Variants in MIPOL1 observed in about 807,000 individuals in gnomAD.
MIPOL1 encodes mirror-image polydactyly 1.
Under a neutral mutation model 60.9 loss-of-function variants are expected in MIPOL1, and 57 were observed. That is an observed-to-expected ratio of 0.94 (90% CI 0.76 to 1.17). MIPOL1 has a LOEUF of 1.17. Among genes scored for constraint, MIPOL1 ranks in the 50% most tolerant of loss-of-function variants. MIPOL1 has a pLI of 0.00. For synonymous variants in MIPOL1, 179 were observed against 168.8 expected, an observed-to-expected ratio of 1.06 and a Z score of -0.47; for missense variants, 551 against 511.6, an observed-to-expected ratio of 1.08 and a Z score of -0.74.
intron 9 of MIPOL1, among the ~76,000 whole-genome samples, chr14:37,327,157 C>T (rs1397928484): frequency 1.3e-5 from 2 of 152,050 alleles, no homozygotes; most frequent in African/African-American, 2.4e-5. Flanking sequence ...TTTGTTGAGC[C>T]TAGGAGATAG....
At chr14:37,321,453 T>C (rs2088565773) in intron 9 of MIPOL1, among the ~76,000 whole-genome samples, 1 of 152,010 alleles carries the variant, frequency 6.6e-6, no homozygotes, top group Non-Finnish European at 1.5e-5. Context: ...TGAGAAAATA[T>C]AAGCTATACT....
At chr14:37,323,216 C>T (rs1294696396) in intron 9 of MIPOL1, among the ~76,000 whole-genome samples, 2 of 152,044 alleles carry the variant, frequency 1.3e-5, no homozygotes, top group Non-Finnish European at 2.9e-5. Flanking sequence ...TTCCCAACAC[C>T]ATTTATTATA....
intron 12 of MIPOL1, among the ~76,000 whole-genome samples, chr14:37,543,596 G>T (rs1450398806): frequency 3.9e-5 from 6 of 151,962 alleles, no homozygotes; most frequent in Admixed American, 2.0e-4. Flanking sequence ...TTTTAATTGG[G>T]GTAAAATGTC....
At chr14:37,552,310 T>C (rs1020025975), downstream of MIPOL1, 2 of 152,252 alleles carry the variant, frequency 1.3e-5, no homozygotes, top group South Asian at 2.1e-4. Flanking sequence ...AAGTCAATTA[T>C]GTTTAAGAAA....
intron 11 of MIPOL1, among the ~76,000 whole-genome samples, chr14:37,480,827 C>T (rs116441619): frequency 6.6e-6 from 1 of 151,782 alleles, no homozygotes; most frequent in African/African-American, 2.4e-5. Flanking sequence ...AACAAACAAA[C>T]AAAAAAAACC....
intron 1 of MIPOL1, among the ~76,000 whole-genome samples, chr14:37,226,745 A>G (rs1202540120): frequency 6.6e-6 from 1 of 152,192 alleles, no homozygotes; most frequent in Non-Finnish European, 1.5e-5. Context: ...TCAAGACTGC[A>G]GTGAGCCATG....
intron 9 of MIPOL1, among the ~76,000 whole-genome samples, chr14:37,313,754 A>C (rs2087595648): frequency 6.6e-6 from 1 of 152,180 alleles, no homozygotes; most frequent in African/African-American, 2.4e-5. Context: ...GCATCGACTG[A>C]TGAGAATGGA....
intron 10 of MIPOL1, among the ~76,000 whole-genome samples, chr14:37,421,987 A>G (rs2093880618): frequency 6.6e-6 from 1 of 152,050 alleles, no homozygotes; most frequent in Non-Finnish European, 1.5e-5. Flanking sequence ...CCTTTCAAAC[A>G]CCATTTAAAG....
chr14:37,436,737 T>C (rs2094169187), intron 11 of MIPOL1, among the ~76,000 whole-genome samples: 1 of 152,220 alleles, frequency 6.6e-6, no homozygotes, highest in South Asian at 2.1e-4. Flanking sequence ...ATCCGGGACT[T>C]AACATTGTTA....
chr14:37,313,075 A>G (rs1338848132), intron 9 of MIPOL1, among the ~76,000 whole-genome samples: 5 of 152,198 alleles, frequency 3.3e-5, no homozygotes, highest in African/African-American at 1.2e-4. Context: ...ACTTTAGTCA[A>G]ATACCCATCT....
intron 12 of MIPOL1, among the ~76,000 whole-genome samples, chr14:37,521,910 A>ATATATATAT (rs572835469): frequency 7.5e-6 from 1 of 132,768 alleles, no homozygotes; most frequent in African/African-American, 2.8e-5. Flanking sequence ...ATATATATAT[A>ATATATATAT]TTTTTTTTTT....
At chr14:37,536,140 A>G (rs1417347455) in intron 12 of MIPOL1, among the ~76,000 whole-genome samples, 1 of 152,224 alleles carries the variant, frequency 6.6e-6, no homozygotes, top group East Asian at 1.9e-4. Context: ...TTGAAGTTAT[A>G]GGAGAAATCA....
intron 12 of MIPOL1, among the ~76,000 whole-genome samples, chr14:37,537,178 T>A (rs1278197105): frequency 6.6e-6 from 1 of 152,180 alleles, no homozygotes; most frequent in Non-Finnish European, 1.5e-5. Context: ...GAGGGCCTTT[T>A]AAAATGCATT....
At chr14:37,227,832 T>G (rs1969988143) in intron 1 of MIPOL1, 1 of 152,184 alleles carries the variant, frequency 6.6e-6, no homozygotes, top group South Asian at 2.1e-4. Flanking sequence ...ATAGAATGCC[T>G]TTAATGGTAA....
chr14:37,310,050 C>T (rs1019781633), intron 9 of MIPOL1, among the ~76,000 whole-genome samples: 3 of 152,060 alleles, frequency 2.0e-5, no homozygotes, highest in Admixed American at 1.3e-4. Context: ...TATGTCCTTA[C>T]TCCCCCACCC....
intron 11 of MIPOL1, among the ~76,000 whole-genome samples, chr14:37,442,671 TA>T (rs1402880623): frequency 1.3e-5 from 2 of 150,498 alleles, no homozygotes; most frequent in African/African-American, 2.4e-5. Context: ...AATAAATAAA[TA>T]AAAAATTTAA....
chr14:37,221,069 A>G (rs1321723173), intron 1 of MIPOL1, among the ~76,000 whole-genome samples: 1 of 152,026 alleles, frequency 6.6e-6, no homozygotes, highest in Non-Finnish European at 1.5e-5. Flanking sequence ...ATCTCATTTG[A>G]AAATATTTTG....
chr14:37,303,645 G>A (rs1291452588), intron 7 of MIPOL1, among the ~76,000 whole-genome samples: 1 of 151,766 alleles, frequency 6.6e-6, no homozygotes, highest in Non-Finnish European at 1.5e-5. Flanking sequence ...AGTATTAAGG[G>A]AAGAATGGGA....
chr14:37,259,428 G>A (rs578031078), intron 3 of MIPOL1, among the ~76,000 whole-genome samples: 1 of 152,084 alleles, frequency 6.6e-6, no homozygotes, highest in East Asian at 1.9e-4. Context: ...TTAGCCAGGT[G>A]TGGTGGTACA....
Sources: allele counts gnomAD v4.1 joint callset (sites outside exome capture counted in the v4.1 genomes callset), GRCh38; gene constraint gnomAD v4.1.1; transcripts MANE v1.5; gene names NCBI Gene and HGNC (gene_info 2026-07-23, HGNC 2026-07-21).